TLL1: variants seen among roughly 807,000 people sequenced by gnomAD.
The protein encoded by TLL1 is tolloid like 1.
A neutral mutation model predicts 128.2 loss-of-function variants in TLL1; 49 were observed. The ratio of observed to expected loss-of-function variants is 0.38; its 90% CI spans 0.30 to 0.48. The LOEUF is 0.48. Among genes scored for constraint, TLL1 ranks in the 20% least tolerant of loss-of-function variants. The pLI is 0.96. For synonymous variants in TLL1, 454 were observed against 418.8 expected (o/e 1.08, Z -1.03); for missense variants, 1,123 against 1,242.0 (o/e 0.90, Z 1.44).
intron 1 of TLL1, among the ~76,000 whole-genome samples, chr4:165,928,314 G>A (rs1180714081): frequency 6.6e-6 from 1 of 152,090 alleles, no homozygotes; most frequent in Non-Finnish European, 1.5e-5. Flanking sequence ...ATCTAGTTGG[G>A]GAGACGGCAG....
rs191307788 is a variant in TLL1 at position 165,894,675 on chromosome 4, C to T, written c.169+20602C>T. ...AACAGAAGTTGTGAGAGCAGACATT[C>T]GTATTTTTTCCTTATCTTTAGGGAA... On this transcript the variant is annotated intron_variant, in intron 1 of 20. Transcript: ENST00000061240. Among the ~76,000 whole-genome samples, 13 of 152,196 alleles carry T rather than the reference C, an allele frequency of 8.5e-5. 1 individual carries two copies. Among genetic ancestry groups the T allele is most frequent in the Admixed American group, 7.2e-4 (11 of 15,258 alleles).
chr4:165,980,468 G>T (rs896209005), intron 1 of TLL1, among the ~76,000 whole-genome samples: 2 of 152,110 alleles, frequency 1.3e-5, no homozygotes, highest in Non-Finnish European at 2.9e-5. Flanking sequence ...AATGGCTGTT[G>T]CAGGCATAGC....
intron 12 of TLL1, among the ~76,000 whole-genome samples, chr4:166,054,170 C>G (rs1455661474): frequency 7.1e-6 from 1 of 141,682 alleles, no homozygotes; most frequent in Non-Finnish European, 1.6e-5. Context: ...CTCATCCAAA[C>G]AAGGCCATAT....
intron 12 of TLL1, 48 bp downstream of exon 12, chr4:166,043,467 C>A: frequency 6.2e-7 from 1 of 1,611,628 alleles, no homozygotes; most frequent in Non-Finnish European, 8.5e-7. Context: ...CCATAAACGA[C>A]AATGGCATTT....
chr4:165,873,922 T>C lies in TLL1; in HGVS notation c.18T>C (p.Leu6=). 1 of 1,614,036 alleles carries C rather than the reference T, an allele frequency of 6.2e-7. No homozygotes were observed. Among genetic ancestry groups the C allele is most frequent in the Non-Finnish European group, 8.5e-7 (1 of 1,180,006 alleles). The change falls in exon 1 of 21, where the codon CTT becomes CTC. Residue 6 remains leucine (L), a synonymous_variant. Transcript: ENST00000061240. The stretch of plus-strand genomic sequence containing the variant: ...GGAGGAGGATGGGGTTGGGAACGCT[T>C]TCCCCGAGGATGCTCGTGTGGCTGG... The part of the protein sequence containing the change: MGLGT[L]SPRMLVWLVA...
At chr4:166,014,924 G>T (rs1375906024) in intron 8 of TLL1, among the ~76,000 whole-genome samples, 1 of 151,812 alleles carries the variant, frequency 6.6e-6, no homozygotes, top group Non-Finnish European at 1.5e-5. Flanking sequence ...TCCTTTATTT[G>T]AACTTCAGAA....
rs199621174 is a variant in TLL1, at chr4:166,065,672, T to C, written c.2008-11T>C. 2 of 1,612,032 alleles carry C rather than the reference T, an allele frequency of 1.2e-6. No homozygotes were observed. Among genetic ancestry groups the C allele is most frequent in the African/African-American group, 1.3e-5 (1 of 74,726 alleles). ...ACAAATCTGGCAACTGATAACCACA[T>C]TTTTTTCTAGGTTTGCAAATATGAT... On this transcript the variant is annotated splice_polypyrimidine_tract_variant and intron_variant, in intron 15 of 20. Transcript: ENST00000061240.
Position 165,875,942 on chromosome 4 carries a change from T to A in TLL1, c.169+1869T>A, listed in dbSNP as rs117491957. 1.5e-3 allele frequency among the ~76,000 whole-genome samples: 224 copies of A among 152,330 alleles called. 3 individuals carry two copies. The East Asian group carries it at 0.031, about 21-fold the overall frequency. ...AAACTTTAATAGCATTTACTTTTTGTTTCCCCTTTGATGCTGGTTTATTTT... is the reference window on the plus strand; with the variant it reads ...AAACTTTAATAGCATTTACTTTTTGATTCCCCTTTGATGCTGGTTTATTTT... On this transcript the variant is annotated intron_variant, in intron 1 of 20. Transcript: ENST00000061240.
In TLL1 at chr4:166,060,165, T is replaced by A. The variant is rs1489371263; in HGVS notation, c.1984T>A (p.Phe662Ile). The change falls in exon 15 of 21, where the codon TTT (phenylalanine) becomes ATT (isoleucine). Residue 662 changes from phenylalanine (F) to isoleucine (I), a missense_variant. Coordinates refer to ENST00000061240, the MANE Select transcript of TLL1 (RefSeq NM_012464.5). ...TQYRISVKFE[F>I]FELEGNEVCK... ...GTACAGAATTTCTGTGAAGTTTGAG[T>A]TTTTTGAATTGGAAGGCAATGAAGT... 5 of 1,613,606 alleles carry A rather than the reference T, an allele frequency of 3.1e-6. No homozygotes were observed. The highest frequency in any genetic ancestry group is 4.2e-6 in the Non-Finnish European group (5 of 1,179,784).
At chr4:165,939,071 A>G (rs1219849291) in intron 1 of TLL1, among the ~76,000 whole-genome samples, 1 of 151,820 alleles carries the variant, frequency 6.6e-6, no homozygotes, top group Non-Finnish European at 1.5e-5. Context: ...ATGTAATGAT[A>G]TTAAGTTTGA....
intron 1 of TLL1, among the ~76,000 whole-genome samples, chr4:165,965,175 G>A (rs1285341848): frequency 1.3e-5 from 2 of 151,910 alleles, no homozygotes; most frequent in African/African-American, 4.8e-5. Flanking sequence ...CTAAATATAG[G>A]TATATCATGT....
chr4:165,976,888 T>C (rs1408815595), intron 1 of TLL1, among the ~76,000 whole-genome samples: 3 of 152,184 alleles, frequency 2.0e-5, no homozygotes, highest in African/African-American at 7.2e-5. Context: ...TCGTATACTT[T>C]TTAAAAACAT....
chr4:166,023,628 A>C (rs1016073435), intron 8 of TLL1, among the ~76,000 whole-genome samples: 2 of 152,214 alleles, frequency 1.3e-5, no homozygotes, highest in Non-Finnish European at 2.9e-5. Context: ...TTATTGAAGA[A>C]AATTCACAAG....
chr4:165,965,598 C>A (rs189674805), intron 1 of TLL1, among the ~76,000 whole-genome samples: 1 of 152,152 alleles, frequency 6.6e-6, no homozygotes, highest in Non-Finnish European at 1.5e-5. Flanking sequence ...AGGTAAATAG[C>A]AATGGCTGGA....
intron 9 of TLL1, among the ~76,000 whole-genome samples, chr4:166,037,126 G>C (rs1164360435): frequency 6.6e-6 from 1 of 152,022 alleles, no homozygotes; most frequent in Non-Finnish European, 1.5e-5. Flanking sequence ...TTGCTATAGG[G>C]AAAACATAAA....
At chr4:165,968,354 C>T (rs969662693) in intron 1 of TLL1, among the ~76,000 whole-genome samples, 1 of 152,156 alleles carries the variant, frequency 6.6e-6, no homozygotes, top group Admixed American at 6.6e-5. Context: ...AAACAAACTG[C>T]TTGTTGTCCA....
At chr4:165,907,253 AT>A (rs560016041) in intron 1 of TLL1, among the ~76,000 whole-genome samples, 1 of 151,046 alleles carries the variant, frequency 6.6e-6, no homozygotes, top group Non-Finnish European at 1.5e-5. Flanking sequence ...CTCAAGCCAT[AT>A]TTTTTTTTGT....
chr4:165,947,856 G>A (rs1483785367), intron 1 of TLL1, among the ~76,000 whole-genome samples: 3 of 152,148 alleles, frequency 2.0e-5, no homozygotes, highest in African/African-American at 7.2e-5. Flanking sequence ...TCACAAGATT[G>A]TTGAGAATTG....
chr4:166,086,963 C>T (rs772881767), intron 18 of TLL1, among the ~76,000 whole-genome samples: 9 of 152,060 alleles, frequency 5.9e-5, no homozygotes, highest in Non-Finnish European at 1.2e-4. Flanking sequence ...AAAGAAATTG[C>T]AGTCAAAAGA....
Sources: allele counts gnomAD v4.1 joint callset (sites outside exome capture counted in the v4.1 genomes callset), GRCh38; gene constraint gnomAD v4.1.1; transcripts MANE v1.5; gene names NCBI Gene and HGNC (gene_info 2026-07-23, HGNC 2026-07-21).